Variants in PAX3 observed in about 807,000 individuals in gnomAD.
PAX3 encodes paired box 3, also known as paired box protein Pax-3.
PAX3 carries 14 observed loss-of-function variants against 51.6 expected under a neutral mutation model. The observed-to-expected ratio is 0.27, with a 90% CI of 0.18 to 0.42. The LOEUF is 0.42. PAX3 is among the 10% of genes least tolerant of loss of function. The pLI is 1.00. For synonymous variants in PAX3, 280 were observed against 253.4 expected (o/e 1.11, Z -1.00); for missense variants, 540 against 642.8 (o/e 0.84, Z 1.73).
At position 222,200,151 on chromosome 2, in the gene PAX3, T is replaced by G. The variant is rs1018949083; in HGVS notation, c.*1257A>C. The stretch of plus-strand genomic sequence containing the variant: ...TCGTGGTTCCAAGAATAGAAAGAAA[T>G]AAATAACACTGCCTTCCACCTTCTT... On this transcript the variant is annotated 3_prime_UTR_variant, in exon 9 of 9. Transcript: ENST00000392070. 4.6e-6 allele frequency: 1 copy of G among 216,216 alleles called. No individual in the cohort carries two copies. The highest frequency in any genetic ancestry group is 9.3e-6 in the Non-Finnish European group (1 of 107,102). The allele number at this position is 216,216 out of a possible 1,614,324, so 13.4% of individuals were successfully genotyped here. A position where few individuals can be genotyped will look rare whatever the true frequency, so the allele number is the denominator to read the frequency against.
At chr2:222,250,926 G>A (rs746874851) in intron 4 of PAX3, among the ~76,000 whole-genome samples, 36 of 152,100 alleles carry the variant, frequency 2.4e-4, no homozygotes, top group Admixed American at 7.9e-4. Context: ...GAAGTTTTGG[G>A]CTGACTGCCA....
intron 4 of PAX3, among the ~76,000 whole-genome samples, chr2:222,253,509 T>C (rs894504332): frequency 6.6e-6 from 1 of 152,090 alleles, no homozygotes; most frequent in Non-Finnish European, 1.5e-5. Context: ...AAACAAGTTG[T>C]CAAAGATATA....
chr2:222,293,672 G>T (rs779940973), intron 4 of PAX3: 2 of 1,614,092 alleles, frequency 1.2e-6, no homozygotes, highest in Non-Finnish European at 1.7e-6. Flanking sequence ...GCCAATGTGG[G>T]GGCAATTTTG....
intron 5 of PAX3, among the ~76,000 whole-genome samples, chr2:222,228,332 AGAG>A (rs779320554): frequency 1.3e-5 from 2 of 152,326 alleles, no homozygotes; most frequent in East Asian, 1.9e-4. Context: ...CCTGCTTCGA[AGAG>A]GAGGTCACTA....
chr2:222,295,771 C>G (rs566783625), intron 2 of PAX3, 114 bp from the exon 3 acceptor site: 10 of 1,265,708 alleles, frequency 7.9e-6, no homozygotes, highest in African/African-American at 5.9e-5. Context: ...CTGGGACGGT[C>G]CCCCTTTGTG....
At chr2:222,205,392 C>T (rs1038894073) in intron 7 of PAX3, among the ~76,000 whole-genome samples, 1 of 152,110 alleles carries the variant, frequency 6.6e-6, no homozygotes, top group African/African-American at 2.4e-5. Context: ...CAGCACTCAG[C>T]ACAGCAGCCC....
intron 4 of PAX3, among the ~76,000 whole-genome samples, chr2:222,235,186 C>T (rs900950021): frequency 7.2e-5 from 11 of 152,134 alleles, no homozygotes; most frequent in Non-Finnish European, 1.3e-4. Context: ...CAAGCACCAG[C>T]GAGAATTAAT....
rs141248381 is a variant in PAX3 at position 222,244,431 on chromosome 2, A to G, written c.587-12148T>C. Reference sequence around the variant, plus strand: ...AGGGTTTAAAACATCTGCTCCAAAGACTGGTTTTTAAGGAAAGGAGATAGT... The same window carrying G: ...AGGGTTTAAAACATCTGCTCCAAAGGCTGGTTTTTAAGGAAAGGAGATAGT... On this transcript the variant is annotated intron_variant, in intron 4 of 8. Transcript: ENST00000392070. 4.9e-3 allele frequency among the ~76,000 whole-genome samples: 750 copies of G among 152,304 alleles called. 4 individuals are homozygous for G. Among genetic ancestry groups the G allele is most frequent in the Non-Finnish European group, 8.1e-3 (552 of 68,012 alleles).
At chr2:222,294,782 C>A (rs1380176423) in intron 3 of PAX3, among the ~76,000 whole-genome samples, 1 of 121,570 alleles carries the variant, frequency 8.2e-6, no homozygotes, top group Non-Finnish European at 1.7e-5. Flanking sequence ...CCCCGTAAAT[C>A]AAGTTTCTTT....
chr2:222,237,009 C>T (rs75239294), intron 4 of PAX3, among the ~76,000 whole-genome samples: 7,306 of 152,162 alleles, frequency 0.048, 263 homozygotes, highest in South Asian at 0.12. Flanking sequence ...ATTTTTGAAT[C>T]TATTATTAAA....
chr2:222,201,483 C>G, intron 8 of PAX3, 41 bp from the exon 9 acceptor site: 1 of 1,613,080 alleles, frequency 6.2e-7, no homozygotes, highest in Non-Finnish European at 8.5e-7. Context: ...CATGCTGGGA[C>G]AATTCACAGT....
intron 3 of PAX3, 42 bp from the exon 4 acceptor site, chr2:222,294,343 T>C (rs1695174217): frequency 1.9e-6 from 3 of 1,611,272 alleles, no homozygotes; most frequent in Non-Finnish European, 2.5e-6. Flanking sequence ...GCGCACATGG[T>C]TGAGACAAGC....
intron 3 of PAX3, 32 bp from the exon 4 acceptor site, chr2:222,294,333 G>T: frequency 6.2e-7 from 1 of 1,613,086 alleles, no homozygotes. Flanking sequence ...AAGCAAGGGA[G>T]CGCACATGGT....
At chr2:222,281,998 C>T (rs62186070) in intron 4 of PAX3, among the ~76,000 whole-genome samples, 27,732 of 152,160 alleles carry the variant, frequency 0.18, 2,767 homozygotes, top group Middle Eastern at 0.24. Flanking sequence ...CTGCACATTC[C>T]GGGCCTGGCA....
chr2:222,268,428 A>T (rs1238546788), intron 4 of PAX3, among the ~76,000 whole-genome samples: 1 of 152,186 alleles, frequency 6.6e-6, no homozygotes, highest in East Asian at 1.9e-4. Context: ...GAAAGCAATC[A>T]AATATCCAAT....
intron 3 of PAX3, 137 bp downstream of exon 3, chr2:222,295,391 C>A: frequency 1.9e-6 from 2 of 1,046,644 alleles, no homozygotes; most frequent in South Asian, 1.3e-5. Flanking sequence ...ACCGGGTTGG[C>A]AAATATTGCA....
At chr2:222,239,493 T>C (rs1457404258) in intron 4 of PAX3, among the ~76,000 whole-genome samples, 2 of 152,078 alleles carry the variant, frequency 1.3e-5, no homozygotes, top group African/African-American at 2.4e-5. Context: ...TTTAAAATTG[T>C]ATATATGTTG....
chr2:222,287,484 T>G (rs1480480484), intron 4 of PAX3: 2 of 152,220 alleles, frequency 1.3e-5, no homozygotes, highest in Non-Finnish European at 2.9e-5. Context: ...AGGCCCAACT[T>G]GGAGCTGGAA....
intron 4 of PAX3, among the ~76,000 whole-genome samples, chr2:222,291,970 GT>G (rs1559314388): frequency 0.027 from 204 of 7,652 alleles, no homozygotes; most frequent in African/African-American, 0.083. Context: ...AGCCTCCAAG[GT>G]GTGTGTGTGT....
Sources: gnomAD v4.1 joint callset for allele counts (sites outside exome capture counted in the v4.1 genomes callset) on GRCh38, gnomAD v4.1.1 for gene constraint, MANE v1.5 for transcripts, NCBI Gene and HGNC (gene_info 2026-07-23, HGNC 2026-07-21) for gene names.